The following ADRA1D variants were observed in gnomAD, a reference collection of about 807,000 sequenced individuals.
ADRA1D encodes the protein adrenoceptor alpha 1D.
In ADRA1D, 22 loss-of-function variants were observed where a neutral mutation model predicts 18.6. That is an observed-to-expected ratio of 1.19 (90% CI 0.85 to 1.69). The LOEUF (loss-of-function observed/expected upper bound fraction) is 1.69, where lower values mean the gene tolerates loss of function less well. Among genes scored for constraint, ADRA1D ranks in the 40% most tolerant of loss-of-function variants. The pLI, the probability that ADRA1D is intolerant of heterozygous loss-of-function variation, is 0.00. For synonymous variants in ADRA1D, 376 were observed against 388.2 expected, an observed-to-expected ratio of 0.97 and a Z score of 0.37; for missense variants, 840 against 840.7, an observed-to-expected ratio of 1.00 and a Z score of 0.01.
intron 1 of ADRA1D, among the ~76,000 whole-genome samples, chr20:4,235,289 G>A (rs1372703875): frequency 1.3e-5 from 2 of 152,290 alleles, no homozygotes; most frequent in South Asian, 2.1e-4. Context: ...CTAGAGCAAC[G>A]GAGGCTGCCT....
intron 1 of ADRA1D, among the ~76,000 whole-genome samples, chr20:4,243,761 GTGC>G (rs1981272758): frequency 6.6e-6 from 1 of 152,134 alleles, no homozygotes; most frequent in Admixed American, 6.5e-5. Flanking sequence ...AGAGGAGCTG[GTGC>G]TGCCCTCCCC....
chr20:4,230,342 A>G (rs1980924685), intron 1 of ADRA1D, among the ~76,000 whole-genome samples: 1 of 152,246 alleles, frequency 6.6e-6, no homozygotes, highest in Non-Finnish European at 1.5e-5. Flanking sequence ...AGGCATATCA[A>G]GCACACAGCA....
chr20:4,221,440 G>A lies in ADRA1D; in HGVS notation c.*83C>T. The stretch of plus-strand genomic sequence containing the variant: ...CAGTTTCCGGGTCTCCGATTTGCAC[G>A]GGGGCTCTTAGAACACCAGCCCGCC... On this transcript the variant is annotated 3_prime_UTR_variant, in exon 2 of 2. Transcript: ENST00000379453. 2 of 1,443,596 alleles carry A rather than the reference G, an allele frequency of 1.4e-6. No homozygotes were observed. The highest frequency in any genetic ancestry group is 1.9e-6 in the Non-Finnish European group (2 of 1,065,556). 89.4% of individuals were successfully genotyped at this position (1,443,596 alleles called of 1,614,324 possible). A position where few individuals can be genotyped will look rare whatever the true frequency, so the allele number is the denominator to read the frequency against.
At chr20:4,247,718 TAGG>T (rs1981367650) in intron 1 of ADRA1D, 126 bp downstream of exon 1, 1 of 1,100,684 alleles carries the variant, frequency 9.1e-7, no homozygotes, top group African/African-American at 1.7e-5. Context: ...ACCTGCCTCT[TAGG>T]AGACTCAGGA....
chr20:4,234,725 A>G (rs930365455), intron 1 of ADRA1D, among the ~76,000 whole-genome samples: 2 of 152,174 alleles, frequency 1.3e-5, no homozygotes, highest in Admixed American at 1.3e-4. Flanking sequence ...TCTTCGCTAC[A>G]TTATAAAGGG....
chr20:4,248,316 G>T lies in ADRA1D; in HGVS notation c.642C>A (p.Ala214=), dbSNP rs2122682602. 1 of 1,606,244 alleles carries T rather than the reference G, an allele frequency of 6.2e-7. No individual in the cohort carries two copies. The highest frequency in any genetic ancestry group is 1.1e-5 in the South Asian group (1 of 89,726). ...YPAIMTERKA[A]AILALLWVVA... ...CGACCCAGAGCAGGGCCAGGATGGC[G>T]GCCGCCTTGCGCTCGGTCATGATGG... is the stretch of plus-strand genomic sequence containing the variant. Residue 214 remains alanine (A), a synonymous_variant, in exon 1 of 2, where the codon GCC becomes GCA. Transcript: ENST00000379453.
At chr20:4,230,492 G>A (rs1307166922) in intron 1 of ADRA1D, among the ~76,000 whole-genome samples, 2 of 152,218 alleles carry the variant, frequency 1.3e-5, no homozygotes, top group African/African-American at 4.8e-5. Flanking sequence ...GCCTTGGCTT[G>A]CTCTGTCATT....
chr20:4,248,338 ATG>A lies in ADRA1D; in HGVS notation c.618_619del (p.Ile207HisfsTer35), dbSNP rs1568770425. ...GGCGGCCGCCTTGCGCTCGGTCATGATGGCTGGGTACTTGAGTGAGTGGCGCA... is the reference window on the plus strand; with the variant it reads ...GGCGGCCGCCTTGCGCTCGGTCATGAGCTGGGTACTTGAGTGAGTGGCGCA... On this transcript the variant is annotated frameshift_variant, in exon 1 of 2. Transcript: ENST00000379453. LOFTEE classifies it high-confidence loss of function. 3 of 1,605,994 alleles carry A rather than the reference ATG, an allele frequency of 1.9e-6. No individual in the cohort carries two copies. The Admixed American group carries it at 5.1e-5, about 27-fold the overall frequency.
intron 1 of ADRA1D, among the ~76,000 whole-genome samples, chr20:4,229,276 G>A (rs999931090): frequency 2.0e-5 from 3 of 152,128 alleles, no homozygotes; most frequent in Admixed American, 1.3e-4. Flanking sequence ...CTCCACTTGG[G>A]AGTCTAGTGG....
chr20:4,241,797 C>T (rs779035942), intron 1 of ADRA1D, among the ~76,000 whole-genome samples: 2 of 152,216 alleles, frequency 1.3e-5, no homozygotes, highest in Admixed American at 6.5e-5. Flanking sequence ...ACTCTCCGCA[C>T]GGGGCCACCA....
chr20:4,233,416 G>T (rs931382752), intron 1 of ADRA1D, among the ~76,000 whole-genome samples: 1 of 152,018 alleles, frequency 6.6e-6, no homozygotes, highest in Non-Finnish European at 1.5e-5. Context: ...AGCTATGATT[G>T]CATCACTGCA....
chr20:4,225,451 G>T (rs1173963043), intron 1 of ADRA1D, among the ~76,000 whole-genome samples: 2 of 109,860 alleles, frequency 1.8e-5, no homozygotes. Context: ...TTTTGAGACA[G>T]GGTTTCTCTC....
chr20:4,244,644 C>T (rs1173826221), intron 1 of ADRA1D, among the ~76,000 whole-genome samples: 2 of 152,196 alleles, frequency 1.3e-5, no homozygotes, highest in Admixed American at 1.3e-4. Context: ...TTCCCTGTTC[C>T]TTCAAAGGTA....
Position 4,248,161 on chromosome 20 carries a change from G to T in ADRA1D, c.797C>A (p.Pro266His). The change falls in exon 1 of 2, where the codon CCC (proline) becomes CAC (histidine). Residue 266 changes from proline to histidine, a missense_variant. Transcript: ENST00000379453. ...VFSSVCSFYL[P>H]MAVIVVMYCR... ...GTACATGACCACGATGACCGCCATG[G>T]GCAGGTAGAAGGAGCACACGGAGGA... 6.3e-7 allele frequency: 1 copy of T among 1,582,114 alleles called. No homozygotes were observed. The highest frequency in any genetic ancestry group is 8.6e-7 in the Non-Finnish European group (1 of 1,164,078).
chr20:4,248,716 A>T lies in ADRA1D; in HGVS notation c.242T>A (p.Val81Glu), dbSNP rs1981418607. 6.4e-7 allele frequency: 1 copy of T among 1,557,644 alleles called. No individual in the cohort carries two copies. Among genetic ancestry groups the T allele is most frequent in the African/African-American group, 1.4e-5 (1 of 73,238 alleles). Residue 81 changes from valine to glutamate, a missense_variant, in exon 1 of 2, where the codon GTG (valine) becomes GAG (glutamate). Coordinates refer to ENST00000379453, the MANE Select transcript of ADRA1D (RefSeq NM_000678.4). ...EPGSAGAGGD[V>E]NGTAAVGGLV... Reference sequence around the variant, plus strand: ...TCCCCCGACGGCCGCCGTGCCATTCACGTCGCCGCCCGCGCCCGCGCTCCC... The same window carrying T: ...TCCCCCGACGGCCGCCGTGCCATTCTCGTCGCCGCCCGCGCCCGCGCTCCC...
intron 1 of ADRA1D, among the ~76,000 whole-genome samples, chr20:4,229,857 C>G (rs983484412): frequency 3.3e-5 from 5 of 152,018 alleles, no homozygotes; most frequent in African/African-American, 1.2e-4. Context: ...CTGGTCACGT[C>G]ACTCCTCTGC....
intron 1 of ADRA1D, among the ~76,000 whole-genome samples, chr20:4,240,080 T>C (rs911313994): frequency 2.6e-5 from 4 of 152,120 alleles, no homozygotes; most frequent in Non-Finnish European, 5.9e-5. Flanking sequence ...AAAGAAGAAT[T>C]CTTTCCAGGC....
intron 1 of ADRA1D, among the ~76,000 whole-genome samples, chr20:4,235,206 G>A (rs754110807): frequency 6.6e-6 from 1 of 152,210 alleles, no homozygotes. Flanking sequence ...TTTGCTTCAG[G>A]ATCCTTGAAC....
intron 1 of ADRA1D, among the ~76,000 whole-genome samples, chr20:4,234,415 T>C (rs928455923): frequency 2.0e-5 from 3 of 152,188 alleles, no homozygotes; most frequent in Non-Finnish European, 4.4e-5. Flanking sequence ...TAGATGACCA[T>C]GAAATATCAG....
Sources: allele counts gnomAD v4.1 joint callset (sites outside exome capture counted in the v4.1 genomes callset), GRCh38; gene constraint gnomAD v4.1.1; transcripts MANE v1.5; gene names NCBI Gene and HGNC (gene_info 2026-07-23, HGNC 2026-07-21).